ZNF91: variants seen among roughly 807,000 people sequenced by gnomAD.
The protein encoded by ZNF91 is zinc finger protein 91.
A neutral mutation model predicts 12.6 loss-of-function variants in ZNF91; 7 were observed. The observed-to-expected ratio is 0.55, with a 90% CI of 0.31 to 1.04. The LOEUF (loss-of-function observed/expected upper bound fraction) is 1.04. ZNF91 is among the 50% of genes least tolerant of loss of function. ZNF91 has a pLI of 0.05. For synonymous variants in ZNF91, 453 were observed against 462.6 expected (o/e 0.98, Z 0.27); for missense variants, 1,217 against 1,385.4 (o/e 0.88, Z 1.93).
At chr19:23,343,898 C>T (rs1406985935) in intron 3 of ZNF91, among the ~76,000 whole-genome samples, 1 of 152,156 alleles carries the variant, frequency 6.6e-6, no homozygotes, top group East Asian at 1.9e-4. Flanking sequence ...ATTGTTTCTG[C>T]ACATTAGTCA....
At chr19:23,340,002 T>C (rs1218792777) in intron 3 of ZNF91, 1 of 135,130 alleles carries the variant, frequency 7.4e-6, no homozygotes. Context: ...AAGATGGAAA[T>C]AGAAACACAA....
intron 3 of ZNF91, among the ~76,000 whole-genome samples, chr19:23,347,481 G>C (rs535567090): frequency 6.6e-6 from 1 of 152,190 alleles, no homozygotes; most frequent in East Asian, 1.9e-4. Context: ...ACCTGTACAA[G>C]GCCAGTTTCT....
Position 23,348,424 on chromosome 19 carries a change from G to C in ZNF91, c.254-9370C>G, listed in dbSNP as rs576928363. 7.4e-4 allele frequency among the ~76,000 whole-genome samples: 112 copies of C among 152,248 alleles called. 1 individual carries two copies. The South Asian group carries it at 0.013, about 18-fold the overall frequency. On this transcript the variant is annotated intron_variant, in intron 3 of 3. Coordinates refer to the ZNF91 transcript ENST00000599743. ...TACACCTGTCTTTACTGCAATCTCT[G>C]AACATAAATTGTGAAGATTTCATGG...
intron 1 of ZNF91, 146 bp from the exon 2 acceptor site, chr19:23,374,910 C>T: frequency 7.4e-7 from 1 of 1,347,562 alleles, no homozygotes; most frequent in Non-Finnish European, 1.0e-6. Flanking sequence ...ATTGTCAACA[C>T]ACAAACGTTT....
chr19:23,386,498 T>C (rs1969878619), intron 1 of ZNF91, among the ~76,000 whole-genome samples: 1 of 152,204 alleles, frequency 6.6e-6, no homozygotes, highest in South Asian at 2.1e-4. Flanking sequence ...AGCCCAGAAA[T>C]AATGCCACAC....
chr19:23,367,380 CTG>C (rs1346897442), intron 3 of ZNF91, among the ~76,000 whole-genome samples: 1 of 142,714 alleles, frequency 7.0e-6, no homozygotes, highest in African/African-American at 2.7e-5. Flanking sequence ...AAAACTCAAA[CTG>C]GAGATTAAAA....
chr19:23,339,002 T>C (rs1178756139), exon 4 of ZNF91: 2 of 148,364 alleles, frequency 1.3e-5, no homozygotes, highest in Non-Finnish European at 3.0e-5. Flanking sequence ...CAGTGAGCAG[T>C]GGGACGAGAT....
chr19:23,393,701 C>CAA (rs60949145), intron 1 of ZNF91, among the ~76,000 whole-genome samples: 44 of 150,348 alleles, frequency 2.9e-4, no homozygotes, highest in Middle Eastern at 3.4e-3. Flanking sequence ...AATGCTTTGT[C>CAA]AAAAAAAAAA....
intron 1 of ZNF91, among the ~76,000 whole-genome samples, chr19:23,377,079 C>CT (rs951559947): frequency 5.6e-4 from 83 of 148,648 alleles, no homozygotes; most frequent in East Asian, 3.5e-3. Flanking sequence ...ATAAGTTTCT[C>CT]TTTTTTTTTT....
chr19:23,391,882 G>A (rs1190029821), intron 1 of ZNF91, among the ~76,000 whole-genome samples: 3 of 152,062 alleles, frequency 2.0e-5, no homozygotes, highest in African/African-American at 4.8e-5. Context: ...GAGTCACTGG[G>A]TTTAAGCTTT....
intron 3 of ZNF91, among the ~76,000 whole-genome samples, chr19:23,340,784 CTA>C (rs148384177): frequency 0.091 from 13,705 of 149,872 alleles, 847 homozygotes; most frequent in African/African-American, 0.17. Flanking sequence ...GGAAATCAAA[CTA>C]AAAGTTTTGG....
downstream of ZNF91, among the ~76,000 whole-genome samples, chr19:23,353,294 C>A (rs575241049): frequency 4.7e-4 from 72 of 152,134 alleles, no homozygotes; most frequent in South Asian, 8.3e-4. Context: ...TGGAAATCAA[C>A]TCCCAAAGGA....
At chr19:23,366,199 AC>A (rs550730177) in intron 3 of ZNF91, among the ~76,000 whole-genome samples, 3 of 149,136 alleles carry the variant, frequency 2.0e-5, no homozygotes, top group Admixed American at 1.3e-4. Context: ...GCGGGGGCTG[AC>A]CCCCCCACCT....
At chr19:23,380,927 A>T (rs1445802226) in intron 1 of ZNF91, 3 of 152,244 alleles carry the variant, frequency 2.0e-5, no homozygotes, top group Non-Finnish European at 2.9e-5. Context: ...GTGAGCCTGC[A>T]ACATAACTAA....
At position 23,333,217 on chromosome 19, in the gene ZNF91, A is replaced by T. The variant is rs1354399032; in HGVS notation, n.117-24120T>A. Among the ~76,000 whole-genome samples, 3 of 152,302 alleles carry T rather than the reference A, an allele frequency of 2.0e-5. No homozygotes were observed. In the East Asian group the frequency reaches 5.8e-4, roughly 29 times the overall value. On this transcript the variant is annotated intron_variant and non_coding_transcript_variant, in intron 1 of 1. Transcript: ENST00000596528. ...ACTGTACACTCATAAGTGTTTGGGAAATTTAGTTTTGCTTTGGGTAGGCCC... is the reference window on the plus strand; with the variant it reads ...ACTGTACACTCATAAGTGTTTGGGATATTTAGTTTTGCTTTGGGTAGGCCC...
At chr19:23,375,165 T>TC (rs1969461101) in intron 1 of ZNF91, among the ~76,000 whole-genome samples, 2 of 148,766 alleles carry the variant, frequency 1.3e-5, no homozygotes, top group Non-Finnish European at 3.0e-5. Flanking sequence ...CACTCAAAAT[T>TC]TTTTTTTTTT....
At chr19:23,371,296 A>G (rs1391224316) in intron 3 of ZNF91, among the ~76,000 whole-genome samples, 1 of 152,170 alleles carries the variant, frequency 6.6e-6, no homozygotes, top group Non-Finnish European at 1.5e-5. Flanking sequence ...CAGTGAGCCA[A>G]GATCATGCAT....
intron 1 of ZNF91, chr19:23,325,483 A>G (rs1490291131): frequency 7.9e-5 from 12 of 152,044 alleles, no homozygotes; most frequent in East Asian, 1.9e-4. Context: ...CTCTAACTCT[A>G]TATTTTCACT....
At chr19:23,332,852 T>C (rs573744722) in intron 1 of ZNF91, among the ~76,000 whole-genome samples, 1 of 151,736 alleles carries the variant, frequency 6.6e-6, no homozygotes, top group South Asian at 2.1e-4. Flanking sequence ...AGAGGGGAGG[T>C]TCAACAAGAC....
Sources: allele counts gnomAD v4.1 joint callset (sites outside exome capture counted in the v4.1 genomes callset), GRCh38; gene constraint gnomAD v4.1.1; transcripts MANE v1.5; gene names NCBI Gene and HGNC (gene_info 2026-07-23, HGNC 2026-07-21).